Variants in RASAL2 observed in about 807,000 individuals in gnomAD.
RASAL2 encodes RAS protein activator like 2, also known as ras GTPase-activating protein nGAP.
RASAL2 carries 58 observed loss-of-function variants against 128.9 expected under a neutral mutation model. The observed-to-expected ratio is 0.45, with a 90% CI of 0.36 to 0.56. The LOEUF is 0.56. Among genes scored for constraint, RASAL2 ranks in the 20% least tolerant of loss-of-function variants. The probability of loss-of-function intolerance (pLI) is 0.00; values close to 1 mark genes in which losing one functional copy is unlikely to be tolerated. For missense variants in RASAL2, 1,360 were observed against 1,601.6 expected, an observed-to-expected ratio of 0.85 and a Z score of 2.57; for synonymous variants, 561 against 580.8, an observed-to-expected ratio of 0.97 and a Z score of 0.49.
intron 4 of RASAL2, among the ~76,000 whole-genome samples, chr1:178,419,643 G>A (rs1675011898): frequency 1.3e-5 from 2 of 152,078 alleles, no homozygotes; most frequent in South Asian, 4.1e-4. Flanking sequence ...TGACAGAATT[G>A]TAAATTTCTT....
At chr1:178,360,967 A>G (rs528462771) in intron 3 of RASAL2, among the ~76,000 whole-genome samples, 2 of 152,360 alleles carry the variant, frequency 1.3e-5, no homozygotes, top group African/African-American at 4.8e-5. Flanking sequence ...ATGAATAAAT[A>G]TACTAGAGAT....
intron 3 of RASAL2, among the ~76,000 whole-genome samples, chr1:178,318,308 T>TCCG (rs1668584409): frequency 6.8e-6 from 1 of 147,910 alleles, no homozygotes; most frequent in African/African-American, 2.5e-5. Context: ...GTCTATTAGG[T>TCCG]CCGCTTGGTG....
At chr1:178,351,095 C>G (rs1051567596) in intron 3 of RASAL2, among the ~76,000 whole-genome samples, 1 of 152,088 alleles carries the variant, frequency 6.6e-6, no homozygotes, top group Non-Finnish European at 1.5e-5. Context: ...CTCATGAGAA[C>G]TCACTATCCT....
chr1:178,442,554 C>T, intron 7 of RASAL2, 121 bp from the exon 8 acceptor site: 2 of 734,216 alleles, frequency 2.7e-6, no homozygotes, highest in Non-Finnish European at 4.4e-6. Context: ...GATAGCAATC[C>T]CTTTCATTAT....
At chr1:178,461,908 A>G (rs755410608) in intron 14 of RASAL2, among the ~76,000 whole-genome samples, 22 of 152,222 alleles carry the variant, frequency 1.4e-4, no homozygotes, top group Non-Finnish European at 2.6e-4. Context: ...TAGCCAGGCT[A>G]TGATTAATTG....
intron 1 of RASAL2, among the ~76,000 whole-genome samples, chr1:178,116,995 A>G (rs1291886883): frequency 2.0e-5 from 3 of 152,238 alleles, no homozygotes; most frequent in Admixed American, 1.3e-4. Context: ...ATAGGGCTCA[A>G]TAACTACTTA....
chr1:178,094,178 C>T lies in RASAL2; in HGVS notation c.-315C>T, dbSNP rs1658571368. The T allele has an allele frequency of 2.6e-6, 1 of 380,802 alleles. No homozygotes were observed. The highest frequency in any genetic ancestry group is 4.7e-6 in the Non-Finnish European group (1 of 212,820). 23.6% of individuals were successfully genotyped at this position (380,802 alleles called of 1,614,324 possible). A position where few individuals can be genotyped will look rare whatever the true frequency, so the allele number is the denominator to read the frequency against. On this transcript the variant is annotated 5_prime_UTR_variant, in exon 1 of 18. Coordinates refer to ENST00000367649, the MANE Select transcript of RASAL2 (RefSeq NM_170692.4). ...TCCGAGGAGGTGGGAGGGCGAGCCT[C>T]CCCTCCCGGGTTCTTCTGCGTCCTC...
intron 5 of RASAL2, among the ~76,000 whole-genome samples, chr1:178,435,824 G>C (rs1676219244): frequency 6.6e-6 from 1 of 152,064 alleles, no homozygotes; most frequent in Non-Finnish European, 1.5e-5. Flanking sequence ...ATGGGAAGTA[G>C]TCAGGGAGAG....
At chr1:178,251,715 C>CT (rs143391158) in intron 1 of RASAL2, among the ~76,000 whole-genome samples, 1 of 152,252 alleles carries the variant, frequency 6.6e-6, no homozygotes, top group African/African-American at 2.4e-5. Flanking sequence ...CAAGTGGCTA[C>CT]TATGTGTATG....
chr1:178,333,540 G>A (rs1463398075), intron 3 of RASAL2, among the ~76,000 whole-genome samples: 1 of 151,060 alleles, frequency 6.6e-6, no homozygotes, highest in Non-Finnish European at 1.5e-5. Flanking sequence ...ACCAAAGTCT[G>A]ATTTTTTTGC....
intron 3 of RASAL2, among the ~76,000 whole-genome samples, chr1:178,334,658 T>TA (rs1669500704): frequency 6.6e-6 from 1 of 152,102 alleles, no homozygotes; most frequent in Non-Finnish European, 1.5e-5. Context: ...TTTTAAAAGA[T>TA]AAAAAAATGC....
chr1:178,326,261 A>G (rs1465027504), intron 3 of RASAL2, among the ~76,000 whole-genome samples: 2 of 152,224 alleles, frequency 1.3e-5, no homozygotes, highest in East Asian at 3.8e-4. Flanking sequence ...TCATATATCA[A>G]AGGTATATGG....
At chr1:178,176,934 G>A (rs182532613) in intron 1 of RASAL2, among the ~76,000 whole-genome samples, 287 of 152,122 alleles carry the variant, frequency 1.9e-3, no homozygotes, top group Non-Finnish European at 3.2e-3. Context: ...ACAGGCGTGA[G>A]CACCATGCCT....
chr1:178,433,501 C>T (rs995107409), intron 5 of RASAL2, among the ~76,000 whole-genome samples: 1 of 152,002 alleles, frequency 6.6e-6, no homozygotes, highest in African/African-American at 2.4e-5. Flanking sequence ...AGTGCCTGAC[C>T]CATAATGCAC....
chr1:178,188,161 C>G (rs1662370754), intron 1 of RASAL2, among the ~76,000 whole-genome samples: 1 of 152,066 alleles, frequency 6.6e-6, no homozygotes, highest in Non-Finnish European at 1.5e-5. Context: ...TAATATTCAA[C>G]CAATAACTCA....
chr1:178,375,433 AC>A (rs1671934679), intron 3 of RASAL2, among the ~76,000 whole-genome samples: 1 of 152,206 alleles, frequency 6.6e-6, no homozygotes, highest in South Asian at 2.1e-4. Flanking sequence ...TGAAAGTGAT[AC>A]TAAAGGGGAA....
intron 2 of RASAL2, among the ~76,000 whole-genome samples, chr1:178,287,939 C>G (rs1667106392): frequency 6.6e-6 from 1 of 152,012 alleles, no homozygotes; most frequent in South Asian, 2.1e-4. Flanking sequence ...AAAAACTTAT[C>G]CATGTAACCA....
At chr1:178,388,207 G>T (rs191236692) in intron 3 of RASAL2, among the ~76,000 whole-genome samples, 121 of 152,104 alleles carry the variant, frequency 8.0e-4, no homozygotes, top group Non-Finnish European at 1.6e-3. Flanking sequence ...CCCATTCCCT[G>T]CCTGCCTTGC....
At chr1:178,418,118 C>T (rs1323458222) in intron 4 of RASAL2, among the ~76,000 whole-genome samples, 2 of 152,092 alleles carry the variant, frequency 1.3e-5, no homozygotes, top group African/African-American at 4.8e-5. Context: ...GACCCTTGAA[C>T]AACATGGGGG....
Sources: gnomAD v4.1 joint callset for allele counts (sites outside exome capture counted in the v4.1 genomes callset) on GRCh38, gnomAD v4.1.1 for gene constraint, MANE v1.5 for transcripts, NCBI Gene and HGNC (gene_info 2026-07-23, HGNC 2026-07-21) for gene names.